DOCK3: variants seen among roughly 807,000 people sequenced by gnomAD.
DOCK3 encodes the protein dedicator of cytokinesis 3, also known as dedicator of cytokinesis protein 3.
In DOCK3, 60 loss-of-function variants were observed where a neutral mutation model predicts 265.6. The observed-to-expected ratio is 0.23, with a 90% confidence interval of 0.18 to 0.28. The LOEUF (loss-of-function observed/expected upper bound fraction) is 0.28, where lower values mean the gene tolerates loss of function less well. DOCK3 is among the 10% of genes least tolerant of loss of function. DOCK3 has a pLI of 1.00. For synonymous variants in DOCK3, 881 were observed against 938.0 expected (o/e 0.94, Z 1.11); for missense variants, 1,981 against 2,594.3 (o/e 0.76, Z 5.14).
chr3:50,802,929 A>G (rs2043146353), intron 2 of DOCK3, among the ~76,000 whole-genome samples: 1 of 151,550 alleles, frequency 6.6e-6, no homozygotes, highest in African/African-American at 2.4e-5. Flanking sequence ...TATTCACATG[A>G]TGGTGTTTCA....
At chr3:51,309,912 G>A (rs963580788) in intron 27 of DOCK3, among the ~76,000 whole-genome samples, 3 of 152,214 alleles carry the variant, frequency 2.0e-5, no homozygotes, top group South Asian at 2.1e-4. Flanking sequence ...GGACTCAGTC[G>A]GACACCAGTT....
At chr3:51,183,087 T>C (rs1451965501) in intron 12 of DOCK3, among the ~76,000 whole-genome samples, 2 of 152,230 alleles carry the variant, frequency 1.3e-5, no homozygotes, top group African/African-American at 2.4e-5. Context: ...TTTCTCCATC[T>C]GCCACTTCCT....
intron 27 of DOCK3, among the ~76,000 whole-genome samples, chr3:51,284,534 C>A (rs6804101): frequency 6.6e-6 from 1 of 152,100 alleles, no homozygotes; most frequent in African/African-American, 2.4e-5. Flanking sequence ...GCTAACACCC[C>A]TTTGGAGCAG....
intron 29 of DOCK3, 85 bp from the exon 30 acceptor site, chr3:51,312,391 C>A: frequency 8.8e-7 from 1 of 1,142,388 alleles, no homozygotes; most frequent in Non-Finnish European, 1.3e-6. Context: ...AAAATGGGTT[C>A]TATGCTACAT....
intron 1 of DOCK3, among the ~76,000 whole-genome samples, chr3:50,762,799 A>T (rs773974811): frequency 9.2e-5 from 14 of 152,224 alleles, no homozygotes; most frequent in Non-Finnish European, 2.1e-4. Flanking sequence ...CATCATGTGT[A>T]ATCATCTTTA....
At chr3:50,868,347 C>T (rs1199645466) in intron 3 of DOCK3, among the ~76,000 whole-genome samples, 1 of 152,136 alleles carries the variant, frequency 6.6e-6, no homozygotes, top group African/African-American at 2.4e-5. Context: ...GCTGGGATTA[C>T]AGGCGTAAGG....
chr3:51,366,139 C>T (rs537211499), intron 49 of DOCK3, among the ~76,000 whole-genome samples: 9 of 152,238 alleles, frequency 5.9e-5, no homozygotes, highest in African/African-American at 2.2e-4. Flanking sequence ...GGTTGGGAGG[C>T]TATTAATTAT....
intron 1 of DOCK3, among the ~76,000 whole-genome samples, chr3:50,681,334 A>G (rs1374636045): frequency 6.6e-6 from 1 of 152,168 alleles, no homozygotes; most frequent in African/African-American, 2.4e-5. Context: ...GCTAAATTTT[A>G]ATTTTTAATA....
At chr3:50,689,508 G>A (rs1203799124) in intron 1 of DOCK3, among the ~76,000 whole-genome samples, 1 of 152,136 alleles carries the variant, frequency 6.6e-6, no homozygotes, top group Non-Finnish European at 1.5e-5. Flanking sequence ...TCATGAGAAT[G>A]GCAGCATGGG....
At chr3:50,886,698 T>G (rs2048359086) in intron 3 of DOCK3, among the ~76,000 whole-genome samples, 1 of 151,872 alleles carries the variant, frequency 6.6e-6, no homozygotes, top group African/African-American at 2.4e-5. Context: ...TTACTGAGAA[T>G]GATGATTTCC....
intron 51 of DOCK3, among the ~76,000 whole-genome samples, chr3:51,376,540 A>G (rs1323225730): frequency 2.0e-5 from 3 of 152,126 alleles, no homozygotes; most frequent in Non-Finnish European, 4.4e-5. Context: ...GTTAATTTTA[A>G]CAGAGAGTAA....
chr3:51,381,883 G>C lies in DOCK3; in HGVS notation c.*324G>C. ...TGGAGCTACATGGAGAAATTGCACA[G>C]ACAGAATCACTTTGCCACACTGCAG... On this transcript the variant is annotated 3_prime_UTR_variant, in exon 53 of 53. Transcript: ENST00000266037. This position sits in a 1 kb window ranked among gnomAD's most constrained non-coding sequence, Gnocchi z 5.6. 4.0e-6 allele frequency: 1 copy of C among 248,350 alleles called. No individual in the cohort carries two copies. 15.4% of individuals were successfully genotyped at this position (248,350 alleles called of 1,614,324 possible). A position where few individuals can be genotyped will look rare whatever the true frequency, so the allele number is the denominator to read the frequency against.
intron 7 of DOCK3, among the ~76,000 whole-genome samples, chr3:51,087,629 C>T (rs1025853078): frequency 6.6e-6 from 1 of 152,010 alleles, no homozygotes; most frequent in African/African-American, 2.4e-5. Context: ...AAGTCCTAGC[C>T]AGAGCAATCA....
At chr3:50,719,613 A>G in intron 1 of DOCK3, 11 of 1,534,430 alleles carry the variant, frequency 7.2e-6, no homozygotes, top group Admixed American at 1.7e-5. Context: ...TTGCCATCCA[A>G]CCACTGAGGT....
At chr3:51,298,008 T>C (rs1401822672) in intron 27 of DOCK3, among the ~76,000 whole-genome samples, 1 of 152,094 alleles carries the variant, frequency 6.6e-6, no homozygotes, top group Non-Finnish European at 1.5e-5. Flanking sequence ...AGAGTAGATA[T>C]AATGAAGAAG....
At chr3:51,375,939 C>A in intron 51 of DOCK3, 104 bp downstream of exon 51, 2 of 1,174,246 alleles carry the variant, frequency 1.7e-6, no homozygotes, top group Non-Finnish European at 2.5e-6. Context: ...TACTTCAACA[C>A]TCAGGTCTGT....
chr3:51,138,109 A>G (rs138512976), intron 9 of DOCK3, among the ~76,000 whole-genome samples: 74 of 152,314 alleles, frequency 4.9e-4, no homozygotes, highest in African/African-American at 1.8e-3. Context: ...TAAAACATAT[A>G]CCACCATTTT....
chr3:50,858,195 A>G (rs1262268885), intron 3 of DOCK3, among the ~76,000 whole-genome samples: 1 of 152,028 alleles, frequency 6.6e-6, no homozygotes, highest in Non-Finnish European at 1.5e-5. Flanking sequence ...ACCAAACACC[A>G]CATGTTCTCA....
intron 26 of DOCK3, among the ~76,000 whole-genome samples, chr3:51,279,379 C>T (rs2080994046): frequency 1.3e-5 from 2 of 152,158 alleles, no homozygotes; most frequent in South Asian, 4.1e-4. Flanking sequence ...TTCTCCCTCC[C>T]TTTTAAGGAG....
Sources: allele counts gnomAD v4.1 joint callset (sites outside exome capture counted in the v4.1 genomes callset), GRCh38; gene constraint gnomAD v4.1.1; non-coding constraint Gnocchi (gnomAD v3.1); transcripts MANE v1.5; gene names NCBI Gene and HGNC (gene_info 2026-07-23, HGNC 2026-07-21).